Variants in MAOA observed in about 807,000 individuals in gnomAD.
MAOA encodes monoamine oxidase A, also known as amine oxidase [flavin-containing] A.
In MAOA, 6 loss-of-function variants were observed where a neutral mutation model predicts 42.0. The ratio of observed to expected loss-of-function variants is 0.14; its 90% confidence interval spans 0.08 to 0.28. The LOEUF is 0.28. MAOA is among the 10% of genes least tolerant of loss of function. The probability of loss-of-function intolerance (pLI) is 1.00; values close to 1 mark genes in which losing one functional copy is unlikely to be tolerated. For missense variants in MAOA, 262 were observed against 422.3 expected, an observed-to-expected ratio of 0.62 and a Z score of 3.33; for synonymous variants, 140 against 154.0, an observed-to-expected ratio of 0.91 and a Z score of 0.67.
chrX:43,740,285 CTT>C (rs775647391), intron 10 of MAOA, among the ~76,000 whole-genome samples: 1 of 111,964 alleles, frequency 8.9e-6, no homozygotes, highest in Admixed American at 9.5e-5. Flanking sequence ...ATACTATAGA[CTT>C]ATAAAAGGGA....
intron 3 of MAOA, among the ~76,000 whole-genome samples, chrX:43,708,852 C>T (rs768261257): frequency 1.9e-5 from 2 of 106,064 alleles, no homozygotes; most frequent in Non-Finnish European, 3.9e-5. Context: ...TTAGTAGAGA[C>T]GGGTTTTTTT....
At chrX:43,672,613 G>A (rs980956009) in intron 1 of MAOA, among the ~76,000 whole-genome samples, 5 of 111,579 alleles carry the variant, frequency 4.5e-5, no homozygotes, top group Non-Finnish European at 9.4e-5. Context: ...TTCGAGATAC[G>A]TCCCATCAAT....
intron 1 of MAOA, among the ~76,000 whole-genome samples, chrX:43,664,771 C>T (rs941131197): frequency 1.8e-5 from 2 of 111,599 alleles, no homozygotes; most frequent in African/African-American, 6.5e-5. Context: ...CGCTTCTCTG[C>T]TTTGGGCATA....
intron 3 of MAOA, 49 bp downstream of exon 3, chrX:43,693,477 G>A (rs767222977): frequency 7.7e-6 from 9 of 1,174,434 alleles, no homozygotes; most frequent in Non-Finnish European, 1.0e-5. Context: ...CATTTTATTT[G>A]AGAAAACATT....
chrX:43,683,847 A>G (rs978537848), intron 2 of MAOA, among the ~76,000 whole-genome samples: 1 of 111,271 alleles, frequency 9.0e-6, no homozygotes, highest in African/African-American at 3.3e-5. Flanking sequence ...AAATAACTTC[A>G]ATACAGTGTC....
intron 5 of MAOA, among the ~76,000 whole-genome samples, chrX:43,725,722 A>G (rs1335154143): frequency 9.0e-6 from 1 of 111,539 alleles, no homozygotes; most frequent in Admixed American, 9.6e-5. Context: ...TTTTGATGCT[A>G]GCTGGTTATT....
chrX:43,697,462 C>T, intron 3 of MAOA, among the ~76,000 whole-genome samples: 1 of 112,380 alleles, frequency 8.9e-6, no homozygotes, highest in Middle Eastern at 4.6e-3. Context: ...AACTGGAAAA[C>T]AGCCATTTAA....
chrX:43,723,342 G>A (rs906836886), intron 5 of MAOA, among the ~76,000 whole-genome samples: 2 of 111,596 alleles, frequency 1.8e-5, no homozygotes, highest in African/African-American at 6.5e-5. Context: ...TCTTCCATTT[G>A]TTTGTGCCCT....
chrX:43,695,721 T>C (rs1485785897), intron 3 of MAOA, among the ~76,000 whole-genome samples: 2 of 111,228 alleles, frequency 1.8e-5, no homozygotes, highest in Admixed American at 9.6e-5. Context: ...AACAGAGCAA[T>C]ATCCTATCTC....
intron 11 of MAOA, 137 bp downstream of exon 11, chrX:43,740,875 C>A: frequency 1.8e-6 from 1 of 542,027 alleles, no homozygotes; most frequent in Non-Finnish European, 2.8e-6. Flanking sequence ...GGATAAACTT[C>A]AGCAGTCACA....
In MAOA at chrX:43,744,044, C is replaced by T. The variant is rs1459255936; in HGVS notation, c.1375-65C>T. The T allele has an allele frequency of 2.5e-6, 3 of 1,191,371 alleles. No individual in the cohort carries two copies. The African/African-American group carries it at 5.3e-5, about 21-fold the overall frequency. On this transcript the variant is annotated intron_variant, in intron 13 of 14. Coordinates refer to ENST00000338702, the MANE Select transcript of MAOA (RefSeq NM_000240.4). ...ACTCATGGGGCTCATCTGTGGCTAG[C>T]AGGGCCTTGAATCTGTAGAAACTAT...
At chrX:43,735,192 G>A (rs775751193) in intron 9 of MAOA, among the ~76,000 whole-genome samples, 1 of 111,850 alleles carries the variant, frequency 8.9e-6, no homozygotes, top group Admixed American at 9.5e-5. Context: ...TTAATTTGTG[G>A]GTAGGGAGAG....
At chrX:43,681,709 T>C (rs1234293406) in intron 1 of MAOA, among the ~76,000 whole-genome samples, 2 of 110,188 alleles carry the variant, frequency 1.8e-5, no homozygotes, top group African/African-American at 3.3e-5. Context: ...TACCCTAATA[T>C]AACTAGCATT....
chrX:43,732,648 G>A, intron 8 of MAOA, 51 bp from the exon 9 acceptor site: 4 of 822,025 alleles, frequency 4.9e-6, no homozygotes, highest in Non-Finnish European at 5.6e-6. Flanking sequence ...GTGTATGGGT[G>A]TCTCTGATGA....
At chrX:43,687,649 G>A (rs954191087) in intron 2 of MAOA, among the ~76,000 whole-genome samples, 1 of 112,324 alleles carries the variant, frequency 8.9e-6, no homozygotes, top group Non-Finnish European at 1.9e-5. Context: ...GTGCTCATCT[G>A]ACATGGAAGT....
chrX:43,704,001 T>C (rs148297226), intron 3 of MAOA, among the ~76,000 whole-genome samples: 240 of 111,822 alleles, frequency 2.1e-3, no homozygotes, highest in Non-Finnish European at 2.1e-3. Flanking sequence ...GAATTAGTAA[T>C]TTAAAATCTC....
intron 2 of MAOA, among the ~76,000 whole-genome samples, chrX:43,691,561 A>G (rs1399863636): frequency 9.0e-6 from 1 of 111,682 alleles, no homozygotes; most frequent in East Asian, 2.8e-4. Flanking sequence ...GGAAATAGAA[A>G]AGATGGGTAG....
chrX:43,687,683 T>C (rs1362915973), intron 2 of MAOA, among the ~76,000 whole-genome samples: 1 of 111,944 alleles, frequency 8.9e-6, no homozygotes, highest in Non-Finnish European at 1.9e-5. Context: ...ATCTCCTGGA[T>C]GTTGCATAGA....
intron 3 of MAOA, among the ~76,000 whole-genome samples, chrX:43,695,456 T>A (rs1320338098): frequency 8.9e-6 from 1 of 111,777 alleles, no homozygotes; most frequent in Non-Finnish European, 1.9e-5. Context: ...TTGGGCTGGG[T>A]GTGGTGGCTC....
Sources: allele counts gnomAD v4.1 joint callset (sites outside exome capture counted in the v4.1 genomes callset), GRCh38; gene constraint gnomAD v4.1.1; transcripts MANE v1.5; gene names NCBI Gene and HGNC (gene_info 2026-07-23, HGNC 2026-07-21).